FAM177A1: variants seen among roughly 807,000 people sequenced by gnomAD.
FAM177A1 encodes the protein protein FAM177A1.
FAM177A1 carries 22 observed loss-of-function variants against 26.1 expected under a neutral mutation model. That is an observed-to-expected ratio of 0.84 (90% CI 0.60 to 1.20). The LOEUF (loss-of-function observed/expected upper bound fraction) is 1.20. Ranked by LOEUF, FAM177A1 falls within the 50% of genes most tolerant of loss-of-function variation. FAM177A1 has a pLI of 0.00. For missense variants in FAM177A1, 296 were observed against 291.1 expected, an observed-to-expected ratio of 1.02 and a Z score of -0.12; for synonymous variants, 95 against 99.3, an observed-to-expected ratio of 0.96 and a Z score of 0.26.
rs200956304 is a variant in FAM177A1 at position 35,046,496 on chromosome 14, T to G, written c.33T>G (p.Phe11Leu). The G allele has an allele frequency of 4.3e-5, 69 of 1,601,676 alleles. No homozygotes were observed. The Middle Eastern group carries it at 8.8e-4, about 20-fold the overall frequency. Residue 11 changes from phenylalanine to leucine, a missense_variant, in exon 1 of 5, where the codon TTT (phenylalanine) becomes TTG (leucine). Phe to Leu is a conservative substitution (Grantham distance 22). Transcript: ENST00000280987. The part of the protein sequence containing the change: MEVGLPAITL[F>L]LTSASSPVVA... The stretch of plus-strand genomic sequence containing the variant: ...TGGGCTTACCGGCCATTACCCTCTT[T>G]CTCACCAGCGCCAGCAGCCCTGTGG...
chr14:35,072,284 G>A (rs908133336), intron 2 of FAM177A1, among the ~76,000 whole-genome samples: 4 of 151,854 alleles, frequency 2.6e-5, no homozygotes, highest in Non-Finnish European at 4.4e-5. Context: ...AAGGAAAGGG[G>A]AAAGGAAAGG....
intron 4 of FAM177A1, 90 bp from the exon 5 acceptor site, chr14:35,080,932 T>TC: frequency 7.7e-7 from 1 of 1,303,892 alleles, no homozygotes; most frequent in Non-Finnish European, 9.9e-7. Flanking sequence ...TTTTTTTTTT[T>TC]AAACATAAGC....
At chr14:35,051,709 G>T (rs2044974401) in intron 1 of FAM177A1, among the ~76,000 whole-genome samples, 1 of 152,072 alleles carries the variant, frequency 6.6e-6, no homozygotes, top group Non-Finnish European at 1.5e-5. Context: ...CACCACGGCT[G>T]GCCTGTTACC....
intron 3 of FAM177A1, among the ~76,000 whole-genome samples, chr14:35,078,367 T>C (rs1262727525): frequency 6.6e-6 from 1 of 152,198 alleles, no homozygotes; most frequent in Non-Finnish European, 1.5e-5. Flanking sequence ...ATTTTTCTTT[T>C]TTGAGACAGA....
At chr14:35,048,716 C>G (rs1341153013) in intron 1 of FAM177A1, among the ~76,000 whole-genome samples, 3 of 151,866 alleles carry the variant, frequency 2.0e-5, no homozygotes, top group Non-Finnish European at 4.4e-5. Context: ...GGGTTGAGCA[C>G]AGTAACAGGG....
intron 2 of FAM177A1, among the ~76,000 whole-genome samples, chr14:35,067,033 C>A (rs2045251185): frequency 6.6e-6 from 1 of 152,188 alleles, no homozygotes; most frequent in Non-Finnish European, 1.5e-5. Context: ...CTCAGGTGAT[C>A]TGCCCACCCT....
chr14:35,074,142 GTTTA>G (rs2045360890), intron 2 of FAM177A1, among the ~76,000 whole-genome samples: 2 of 152,096 alleles, frequency 1.3e-5, no homozygotes, highest in African/African-American at 2.4e-5. Flanking sequence ...ATGAAAGGGA[GTTTA>G]TTTATTTATT....
At position 35,079,123 on chromosome 14, in the gene FAM177A1, A is replaced by G. The variant is rs1285180672; in HGVS notation, c.504+99A>G. ...TGTATTTTCTAACTGCCCAACATGT[A>G]GCTCTCTTATGCTAGGCATTTCATT... On this transcript the variant is annotated intron_variant, in intron 4 of 4. Transcript: ENST00000280987. 3 of 772,814 alleles carry G rather than the reference A, an allele frequency of 3.9e-6. No individual in the cohort carries two copies. In the African/African-American group the frequency reaches 5.6e-5, roughly 14 times the overall value. 47.9% of individuals were successfully genotyped at this position (772,814 alleles called of 1,614,324 possible). A position where few individuals can be genotyped will look rare whatever the true frequency, so the allele number is the denominator to read the frequency against.
chr14:35,048,783 G>A (rs1179220516), intron 1 of FAM177A1, among the ~76,000 whole-genome samples: 23 of 151,948 alleles, frequency 1.5e-4, no homozygotes, highest in Admixed American at 1.5e-3. Flanking sequence ...CCCAAGTTTG[G>A]CAGAACTGAG....
At position 35,071,198 on chromosome 14, in the gene FAM177A1, C is replaced by T. The variant is rs528164492; in HGVS notation, c.340-5952C>T. On this transcript the variant is annotated intron_variant, in intron 2 of 4. Coordinates refer to ENST00000280987, the MANE Select transcript of FAM177A1 (RefSeq NM_173607.5). Reference sequence around the variant, plus strand: ...TTTTTTTTTAGAGACAGGGTTTCACCGTGTTAGCCAGGATGGTCTCGATCT... The same window carrying T: ...TTTTTTTTTAGAGACAGGGTTTCACTGTGTTAGCCAGGATGGTCTCGATCT... Among the ~76,000 whole-genome samples the T allele has an allele frequency of 3.9e-3, 589 of 151,886 alleles. 6 individuals carry two copies. The highest frequency in any genetic ancestry group is 0.014 in the African/African-American group (570 of 41,410).
chr14:35,082,425 A>G lies in FAM177A1; in HGVS notation c.*1197A>G, dbSNP rs1261152733. 1 of 152,116 alleles carries G rather than the reference A, an allele frequency of 6.6e-6. No individual in the cohort carries two copies. Among genetic ancestry groups the G allele is most frequent in the Non-Finnish European group, 1.5e-5 (1 of 68,078 alleles). The allele number at this position is 152,116 out of a possible 1,614,324, so 9.4% of individuals were successfully genotyped here. A position where few individuals can be genotyped will look rare whatever the true frequency, so the allele number is the denominator to read the frequency against. On this transcript the variant is annotated 3_prime_UTR_variant, in exon 5 of 5. Transcript: ENST00000280987. ...CTGCTCGGGAGGCTGAGGCAGGAGA[A>G]TCACTTGAACCAGGGAGGTGGAGGT...
chr14:35,055,873 G>C (rs1032998371), intron 2 of FAM177A1, among the ~76,000 whole-genome samples: 2 of 151,878 alleles, frequency 1.3e-5, no homozygotes. Flanking sequence ...TTGTTCTCTT[G>C]TGCCTTTGCT....
chr14:35,083,139 GGT>G lies in FAM177A1; in HGVS notation c.*1916_*1917del, dbSNP rs1435123026. On this transcript the variant is annotated 3_prime_UTR_variant, in exon 5 of 5. Coordinates refer to ENST00000280987, the MANE Select transcript of FAM177A1 (RefSeq NM_173607.5). ...TTTATTTGGTTATCAAGTGAAGATAGGTGTGTCTAAAAGTGATCTTCTGAATC... is the reference window on the plus strand; with the variant it reads ...TTTATTTGGTTATCAAGTGAAGATAGGTGTCTAAAAGTGATCTTCTGAATC... 1.3e-5 allele frequency: 2 copies of G among 152,544 alleles called. No individual in the cohort carries two copies. The highest frequency in any genetic ancestry group is 3.8e-4 in the East Asian group (2 of 5,198). 9.4% of individuals were successfully genotyped at this position (152,544 alleles called of 1,614,324 possible).
chr14:35,064,979 A>T (rs1479026053), intron 2 of FAM177A1, among the ~76,000 whole-genome samples: 1 of 151,906 alleles, frequency 6.6e-6, no homozygotes, highest in Non-Finnish European at 1.5e-5. Context: ...TATTTCTCTG[A>T]TATTTTTTAT....
chr14:35,056,851 T>C (rs1261193848), intron 2 of FAM177A1, among the ~76,000 whole-genome samples: 1 of 152,190 alleles, frequency 6.6e-6, no homozygotes, highest in Non-Finnish European at 1.5e-5. Context: ...TCTTATTTGT[T>C]GGCATACAGT....
intron 1 of FAM177A1, among the ~76,000 whole-genome samples, chr14:35,052,769 A>C (rs1190446390): frequency 6.6e-6 from 1 of 152,048 alleles, no homozygotes; most frequent in Non-Finnish European, 1.5e-5. Context: ...TATAGAAAAA[A>C]AAATTAGCCA....
intron 1 of FAM177A1, among the ~76,000 whole-genome samples, chr14:35,049,658 G>A (rs1264682586): frequency 6.6e-6 from 1 of 152,082 alleles, no homozygotes; most frequent in African/African-American, 2.4e-5. Context: ...TATGGCTCAC[G>A]CCTGTAGTCC....
intron 2 of FAM177A1, among the ~76,000 whole-genome samples, chr14:35,068,266 C>G (rs960364045): frequency 6.6e-6 from 1 of 152,142 alleles, no homozygotes; most frequent in Non-Finnish European, 1.5e-5. Context: ...TGATTGGTAT[C>G]TTAATGTTAG....
rs2045395312 is a variant in FAM177A1, at chr14:35,076,357, C to G, written c.340-793C>G. Among the ~76,000 whole-genome samples, 7 of 152,140 alleles carry G rather than the reference C, an allele frequency of 4.6e-5. No homozygotes were observed. In the South Asian group the frequency reaches 1.2e-3, roughly 27 times the overall value. ...TATTGCAAGGACAGAAAACCAAACACCGCATGTTCTCACTCTTAGGTGGGA... is the reference window on the plus strand; with the variant it reads ...TATTGCAAGGACAGAAAACCAAACAGCGCATGTTCTCACTCTTAGGTGGGA... On this transcript the variant is annotated intron_variant, in intron 2 of 4. Coordinates refer to ENST00000280987, the MANE Select transcript of FAM177A1 (RefSeq NM_173607.5).
Sources: allele counts gnomAD v4.1 joint callset (sites outside exome capture counted in the v4.1 genomes callset), GRCh38; gene constraint gnomAD v4.1.1; transcripts MANE v1.5; gene names NCBI Gene and HGNC (gene_info 2026-07-23, HGNC 2026-07-21).